Variants in CTNNA2 observed in about 807,000 individuals in gnomAD.
CTNNA2 encodes catenin alpha-2.
CTNNA2 carries 42 observed loss-of-function variants against 101.0 expected under a neutral mutation model. The observed-to-expected ratio is 0.42, with a 90% CI of 0.32 to 0.54. The LOEUF is 0.54. Ranked by LOEUF, CTNNA2 falls within the 20% of genes least tolerant of loss-of-function variation. The probability of loss-of-function intolerance (pLI) is 0.14; values close to 1 mark genes in which losing one functional copy is unlikely to be tolerated. For missense variants in CTNNA2, 871 were observed against 1,223.1 expected (o/e 0.71, Z 4.29); for synonymous variants, 450 against 456.4 (o/e 0.99, Z 0.18).
chr2:79,486,249 G>A (rs4438509), intron 4 of CTNNA2, among the ~76,000 whole-genome samples: 49,735 of 133,502 alleles, frequency 0.37, 8,920 homozygotes, highest in Admixed American at 0.44. Flanking sequence ...AACAATCCCC[G>A]GTGTGTGATG....
intron 7 of CTNNA2, among the ~76,000 whole-genome samples, chr2:80,024,943 G>C (rs1336506793): frequency 6.6e-6 from 1 of 152,170 alleles, no homozygotes; most frequent in African/African-American, 2.4e-5. Flanking sequence ...TTGTTGAGCA[G>C]TGGAAGTGGG....
At chr2:79,898,580 G>A (rs902101779) in intron 6 of CTNNA2, among the ~76,000 whole-genome samples, 5 of 152,192 alleles carry the variant, frequency 3.3e-5, no homozygotes, top group Admixed American at 2.0e-4. Flanking sequence ...ACCGAGGAAC[G>A]GTTCTTGCAT....
intron 2 of CTNNA2, among the ~76,000 whole-genome samples, chr2:79,657,576 G>T (rs978617844): frequency 1.3e-4 from 19 of 151,688 alleles, no homozygotes; most frequent in Non-Finnish European, 1.9e-4. Flanking sequence ...TCATTTTTTA[G>T]AGAATCATAA....
intron 7 of CTNNA2, chr2:80,162,279 A>C (rs771049506): frequency 6.3e-6 from 4 of 636,278 alleles, no homozygotes; most frequent in Admixed American, 3.6e-5. Flanking sequence ...TTATTAATGT[A>C]ATAAAACCAC....
intron 3 of CTNNA2, among the ~76,000 whole-genome samples, chr2:79,796,585 C>T (rs982844810): frequency 6.6e-6 from 1 of 152,134 alleles, no homozygotes; most frequent in Admixed American, 6.5e-5. Context: ...CACATGGAGG[C>T]AGGCAGCATC....
At chr2:79,215,849 GC>G (rs111535100) in intron 2 of CTNNA2, among the ~76,000 whole-genome samples, 3 of 152,046 alleles carry the variant, frequency 2.0e-5, no homozygotes, top group African/African-American at 7.2e-5. Flanking sequence ...GGGTGGAGGA[GC>G]AGAGGCTGAG....
intron 4 of CTNNA2, among the ~76,000 whole-genome samples, chr2:79,428,163 A>ATT (rs558079632): frequency 2.8e-5 from 4 of 145,152 alleles, no homozygotes; most frequent in Admixed American, 1.4e-4. Context: ...CAGTCTCTTC[A>ATT]TTTTTTTTTT....
chr2:80,060,032 T>C (rs1419255528), intron 7 of CTNNA2, among the ~76,000 whole-genome samples: 1 of 152,232 alleles, frequency 6.6e-6, no homozygotes, highest in Non-Finnish European at 1.5e-5. Context: ...TTTGCTATTT[T>C]GTCTCTCTAG....
intron 7 of CTNNA2, among the ~76,000 whole-genome samples, chr2:79,945,996 A>C (rs895286159): frequency 3.3e-5 from 5 of 152,204 alleles, no homozygotes; most frequent in Admixed American, 2.0e-4. Flanking sequence ...AGAAGGTAAT[A>C]GTTTGGCTAA....
At chr2:79,624,525 A>C (rs1173827217) in intron 1 of CTNNA2, among the ~76,000 whole-genome samples, 2 of 152,174 alleles carry the variant, frequency 1.3e-5, no homozygotes, top group African/African-American at 4.8e-5. Context: ...GCAATTTGGA[A>C]GATATTTTAG....
chr2:80,282,167 A>G (rs1330349766), intron 7 of CTNNA2, among the ~76,000 whole-genome samples: 1 of 152,150 alleles, frequency 6.6e-6, no homozygotes, highest in East Asian at 1.9e-4. Context: ...GAGTCTTAAG[A>G]AAGGCAGCTT....
chr2:80,611,112 T>G (rs1014370310), intron 17 of CTNNA2, among the ~76,000 whole-genome samples: 4 of 151,538 alleles, frequency 2.6e-5, no homozygotes, highest in Non-Finnish European at 5.9e-5. Flanking sequence ...CTTAACCCGG[T>G]TACTAAGGGA....
chr2:79,523,337 T>C (rs892490975), intron 1 of CTNNA2: 13 of 377,570 alleles, frequency 3.4e-5, no homozygotes, highest in Non-Finnish European at 6.2e-5. Flanking sequence ...TATACATATA[T>C]ATTTTTTTCT....
chr2:79,803,394 A>G (rs1478471113), intron 3 of CTNNA2, among the ~76,000 whole-genome samples: 1 of 152,238 alleles, frequency 6.6e-6, no homozygotes, highest in East Asian at 1.9e-4. Context: ...ACAGCAAGCC[A>G]GTCATTAGCA....
At chr2:79,666,014 C>T (rs1227153499) in intron 2 of CTNNA2, among the ~76,000 whole-genome samples, 3 of 152,140 alleles carry the variant, frequency 2.0e-5, no homozygotes, top group African/African-American at 7.2e-5. Context: ...TTGACTGAAA[C>T]TTCTCAAGCT....
chr2:79,342,301 A>G (rs765035741), intron 3 of CTNNA2, among the ~76,000 whole-genome samples: 3 of 152,226 alleles, frequency 2.0e-5, no homozygotes, highest in Non-Finnish European at 4.4e-5. Context: ...ACCAGCTCCA[A>G]CTGAGCACTA....
intron 3 of CTNNA2, among the ~76,000 whole-genome samples, chr2:79,361,206 T>G (rs988212251): frequency 1.3e-5 from 2 of 152,216 alleles, no homozygotes; most frequent in Non-Finnish European, 2.9e-5. Context: ...CCCTTTAATT[T>G]TATTTGTTGT....
intron 1 of CTNNA2, among the ~76,000 whole-genome samples, chr2:79,546,759 AT>A (rs1673757368): frequency 6.6e-6 from 1 of 152,176 alleles, no homozygotes; most frequent in South Asian, 2.1e-4. Context: ...ATACTGATTG[AT>A]TGTACATTAT....
intron 6 of CTNNA2, among the ~76,000 whole-genome samples, chr2:79,881,237 G>A (rs2117288): frequency 0.42 from 63,585 of 151,974 alleles, 13,566 homozygotes; most frequent in East Asian, 0.61. Context: ...CAATTATGTG[G>A]TCAATTTTAT....
Sources: gnomAD v4.1 joint callset for allele counts (sites outside exome capture counted in the v4.1 genomes callset) on GRCh38, gnomAD v4.1.1 for gene constraint, MANE v1.5 for transcripts, NCBI Gene and HGNC (gene_info 2026-07-23, HGNC 2026-07-21) for gene names.